ITGAD: variants seen among roughly 807,000 people sequenced by gnomAD.
ITGAD encodes the protein integrin subunit alpha D.
A neutral mutation model predicts 139.0 loss-of-function variants in ITGAD; 105 were observed. The observed-to-expected ratio is 0.76, with a 90% CI of 0.65 to 0.89. The LOEUF (loss-of-function observed/expected upper bound fraction) is 0.89, where lower values mean the gene tolerates loss of function less well. Among genes scored for constraint, ITGAD ranks in the 40% least tolerant of loss-of-function variants. ITGAD has a pLI of 0.00. For synonymous variants in ITGAD, 569 were observed against 598.3 expected, an observed-to-expected ratio of 0.95 and a Z score of 0.71; for missense variants, 1,384 against 1,487.3, an observed-to-expected ratio of 0.93 and a Z score of 1.14.
intron 7 of ITGAD, among the ~76,000 whole-genome samples, chr16:31,405,698 G>A (rs149546562): frequency 1.6e-3 from 234 of 147,702 alleles, no homozygotes; most frequent in African/African-American, 5.5e-3. Flanking sequence ...GCTGGGGTGC[G>A]GTGGCACGAT....
chr16:31,412,863 C>T lies in ITGAD; in HGVS notation c.1733C>T (p.Pro578Leu). Reference protein sequence around the residue: ...SQRIASSQLSPRLQYFGQALS... With the variant: ...SQRIASSQLSLRLQYFGQALS... ...CGGATTGCCAGCTCCCAGCTCTCCC[C>T]CAGGCTGCAGTATTTTGGGCAGGCG... Residue 578 changes from proline to leucine, a missense_variant, in exon 15 of 30, where the codon CCC becomes CTC. Transcript: ENST00000389202. 1 of 1,614,114 alleles carries T rather than the reference C, an allele frequency of 6.2e-7. No individual in the cohort carries two copies. The highest frequency in any genetic ancestry group is 8.5e-7 in the Non-Finnish European group (1 of 1,180,032).
intron 2 of ITGAD, among the ~76,000 whole-genome samples, chr16:31,396,501 T>TA (rs1170573081): frequency 1.3e-5 from 2 of 152,176 alleles, no homozygotes; most frequent in African/African-American, 2.4e-5. Context: ...TGGGTTACAC[T>TA]AAAGTTTTGC....
At position 31,418,071 on chromosome 16, in the gene ITGAD, C is replaced by T. The variant is rs1555488025; in HGVS notation, c.2500-4C>T. 1.5e-5 allele frequency: 24 copies of T among 1,613,288 alleles called. No individual in the cohort carries two copies. In the South Asian group the frequency reaches 2.5e-4, roughly 17 times the overall value. On this transcript the variant is annotated splice_polypyrimidine_tract_variant and splice_region_variant and intron_variant, in intron 20 of 29. Coordinates refer to ENST00000389202, the MANE Select transcript of ITGAD (RefSeq NM_005353.3). ...ACTTCTTAAAATTCATTCTCCTCCC[C>T]TAGAAGCAGCCCCATCAGAGTGCCC...
intron 5 of ITGAD, among the ~76,000 whole-genome samples, chr16:31,401,305 G>A (rs938203696): frequency 6.6e-6 from 1 of 152,122 alleles, no homozygotes; most frequent in Non-Finnish European, 1.5e-5. Context: ...CAATGCCTGG[G>A]GGGCTCAGAG....
At chr16:31,406,629 T>A (rs1467403228) in intron 7 of ITGAD, among the ~76,000 whole-genome samples, 1 of 152,178 alleles carries the variant, frequency 6.6e-6, no homozygotes, top group Non-Finnish European at 1.5e-5. Flanking sequence ...TTATTTCAGG[T>A]GGCCTTCCTC....
rs1208111999 is a variant in ITGAD at position 31,426,281 on chromosome 16, T to A, written c.*153T>A. On this transcript the variant is annotated 3_prime_UTR_variant, in exon 30 of 30. Coordinates refer to ENST00000389202, the MANE Select transcript of ITGAD (RefSeq NM_005353.3). ...CTTCTCGGAGAGATAGAGATTGTAATGTTTTTACATATCTGTCCATCTTTT... is the reference window on the plus strand; with the variant it reads ...CTTCTCGGAGAGATAGAGATTGTAAAGTTTTTACATATCTGTCCATCTTTT... 3.4e-5 allele frequency: 20 copies of A among 581,670 alleles called. No individual in the cohort carries two copies. The highest frequency in any genetic ancestry group is 5.0e-5 in the Non-Finnish European group (16 of 321,822). The allele number at this position is 581,670 out of a possible 1,614,324, so 36.0% of individuals were successfully genotyped here.
chr16:31,424,841 C>T (rs189583010), intron 29 of ITGAD: 27 of 271,342 alleles, frequency 1.0e-4, no homozygotes, highest in African/African-American at 4.7e-4. Flanking sequence ...TCAGGTGATC[C>T]GCCCACCTTG....
intron 23 of ITGAD, among the ~76,000 whole-genome samples, chr16:31,419,911 A>C (rs868785084): frequency 6.6e-6 from 1 of 152,172 alleles, no homozygotes; most frequent in African/African-American, 2.4e-5. Context: ...TACCCTAATA[A>C]TATATACCAT....
chr16:31,411,589 T>G, intron 14 of ITGAD, 72 bp downstream of exon 14: 3 of 1,420,872 alleles, frequency 2.1e-6, no homozygotes, highest in Non-Finnish European at 3.0e-6. Context: ...CGCAGCCTCC[T>G]GTCTCTGTCA....
intron 23 of ITGAD, 29 bp downstream of exon 23, chr16:31,418,593 C>T (rs563603865): frequency 6.5e-7 from 1 of 1,548,456 alleles, no homozygotes; most frequent in South Asian, 1.1e-5. Flanking sequence ...TCCCCTTGGA[C>T]CTCTGGCCTT....
At chr16:31,415,020 G>A in intron 18 of ITGAD, 29 bp downstream of exon 18, 8 of 1,612,584 alleles carry the variant, frequency 5.0e-6, no homozygotes, top group East Asian at 4.5e-5. Context: ...TCCCAGGGAT[G>A]TGCTGACTTC....
chr16:31,423,555 T>C lies in ITGAD; in HGVS notation c.2968-16T>C, dbSNP rs756835847. ...TGTTGCTCATTCTGTGGCTAAGTGC[T>C]TCTTTCTCTTCCCAGAGTCTCCCCT... On this transcript the variant is annotated splice_polypyrimidine_tract_variant and intron_variant, in intron 25 of 29. Coordinates refer to ENST00000389202, the MANE Select transcript of ITGAD (RefSeq NM_005353.3). 1.9e-6 allele frequency: 3 copies of C among 1,613,022 alleles called. No homozygotes were observed. Among genetic ancestry groups the C allele is most frequent in the South Asian group, 2.2e-5 (2 of 91,064 alleles).
intron 20 of ITGAD, 126 bp from the exon 21 acceptor site, chr16:31,417,949 A>G (rs2081930083): frequency 2.5e-6 from 2 of 800,176 alleles, no homozygotes; most frequent in South Asian, 1.7e-5. Flanking sequence ...TCCGTCTCAA[A>G]AAAAAACAAC....
intron 7 of ITGAD, 30 bp from the exon 8 acceptor site, chr16:31,407,485 G>A (rs748254505): frequency 5.8e-6 from 9 of 1,547,576 alleles, no homozygotes; most frequent in African/African-American, 2.7e-5. Flanking sequence ...TCACATCTCA[G>A]TAGAGTCATC....
Position 31,403,164 on chromosome 16 carries a change from T to A in ITGAD, c.559-336T>A. On this transcript the variant is annotated intron_variant, in intron 6 of 29. Transcript: ENST00000389202. The surrounding 1 kb of genome is among the most constrained non-coding windows in gnomAD (Gnocchi z 4.4). ...TTGTAAATCCAAAATAATTCCAAAA[T>A]AAAGTTTATTAAAACTGAAAACAAT... The A allele has an allele frequency of 5.9e-6, 1 of 170,702 alleles. No individual in the cohort carries two copies. The highest frequency in any genetic ancestry group is 1.3e-5 in the Non-Finnish European group (1 of 79,964). The allele number at this position is 170,702 out of a possible 1,614,324, so 10.6% of individuals were successfully genotyped here.
At chr16:31,418,213 C>G in intron 21 of ITGAD, 22 bp downstream of exon 21, 1 of 1,606,730 alleles carries the variant, frequency 6.2e-7, no homozygotes. Context: ...TCCCTAAATC[C>G]CCATCACTGT....
In ITGAD at chr16:31,423,626, A is replaced by T. The variant is rs1047631678; in HGVS notation, c.3023A>T (p.Gln1008Leu). ...CCCCAGCATTCTGACTTCCTGACCCAGATTTCAAGAAGTCCCATGCTGGTG... is the reference window on the plus strand; with the variant it reads ...CCCCAGCATTCTGACTTCCTGACCCTGATTTCAAGAAGTCCCATGCTGGTG... ...KPPQHSDFLT[Q>L]ISRSPMLDCS... Residue 1008 changes from glutamine to leucine, a missense_variant, in exon 26 of 30, where the codon CAG becomes CTG. By Grantham distance (113) the Gln-to-Leu change is moderately radical. Coordinates refer to ENST00000389202, the MANE Select transcript of ITGAD (RefSeq NM_005353.3). The T allele has an allele frequency of 1.9e-6, 3 of 1,613,940 alleles. No homozygotes were observed. The highest frequency in any genetic ancestry group is 2.5e-6 in the Non-Finnish European group (3 of 1,179,992).
Position 31,403,683 on chromosome 16 carries a change from C to T in ITGAD, c.704+38C>T, listed in dbSNP as rs56304025. 0.21 allele frequency: 333,316 copies of T among 1,610,460 alleles called. 36,976 individuals carry two copies. The highest frequency in any genetic ancestry group is 0.38 in the South Asian group (34,682 of 90,884). On this transcript the variant is annotated intron_variant, in intron 7 of 29. Transcript: ENST00000389202. The surrounding 1 kb of genome is among the most constrained non-coding windows in gnomAD (Gnocchi z 4.4). ...GACCCCAGCCTGGCGATGTGACTGC[C>T]ACCCCCACTTCCTAACCCTGGGTCA...
Position 31,407,663 on chromosome 16 carries a change from A to T in ITGAD, c.853A>T (p.Ile285Phe). The T allele has an allele frequency of 1.2e-6, 2 of 1,614,114 alleles. No homozygotes were observed. The highest frequency in any genetic ancestry group is 2.2e-5 in the South Asian group (2 of 91,070). ...AEKAGIIRYA[I>F]GVGHAFQGPT... ...GAAGGCTGGCATCATCCGCTACGCTATCGGGGTGCGCCTCTTCTTCACCCC... is the reference window on the plus strand; with the variant it reads ...GAAGGCTGGCATCATCCGCTACGCTTTCGGGGTGCGCCTCTTCTTCACCCC... Residue 285 changes from isoleucine to phenylalanine, a missense_variant, in exon 8 of 30, where the codon ATC becomes TTC. Coordinates refer to ENST00000389202, the MANE Select transcript of ITGAD (RefSeq NM_005353.3).
Sources: gnomAD v4.1 joint callset for allele counts (sites outside exome capture counted in the v4.1 genomes callset) on GRCh38, gnomAD v4.1.1 for gene constraint, Gnocchi (gnomAD v3.1) non-coding constraint, MANE v1.5 for transcripts, NCBI Gene and HGNC (gene_info 2026-07-23, HGNC 2026-07-21) for gene names.